Variants in STK31 observed in about 807,000 individuals in gnomAD.
STK31 encodes the protein serine/threonine-protein kinase 31.
A neutral mutation model predicts 129.7 loss-of-function variants in STK31; 89 were observed. The ratio of observed to expected loss-of-function variants is 0.69; its 90% confidence interval spans 0.58 to 0.82. The LOEUF is 0.82. Among genes scored for constraint, STK31 ranks in the 40% least tolerant of loss-of-function variants. The pLI, the probability that STK31 is intolerant of heterozygous loss-of-function variation, is 0.00. For missense variants in STK31, 1,187 were observed against 1,176.4 expected, an observed-to-expected ratio of 1.01 and a Z score of -0.13; for synonymous variants, 448 against 395.3, an observed-to-expected ratio of 1.13 and a Z score of -1.58.
intron 23 of STK31, among the ~76,000 whole-genome samples, chr7:23,825,203 A>G (rs1481479341): frequency 2.6e-5 from 4 of 152,196 alleles, no homozygotes; most frequent in African/African-American, 9.7e-5. Flanking sequence ...CTCTGGTAGA[A>G]TTTAGCTGTG....
At chr7:23,798,989 A>G (rs1382560753) in intron 22 of STK31, among the ~76,000 whole-genome samples, 1 of 152,214 alleles carries the variant, frequency 6.6e-6, no homozygotes, top group Non-Finnish European at 1.5e-5. Flanking sequence ...ACTCCCATTC[A>G]CAATTGCTAC....
intron 22 of STK31, among the ~76,000 whole-genome samples, chr7:23,808,970 T>TGTGTGTGTGTGTGTGTGCAC: frequency 7.2e-6 from 1 of 139,660 alleles, no homozygotes; most frequent in South Asian, 2.5e-4. Flanking sequence ...TGTGTGTGTG[T>TGTGTGTGTGTGTGTGTGCAC]GCCTGTGTCT....
chr7:23,828,227 T>C (rs1314778808), intron 23 of STK31, among the ~76,000 whole-genome samples: 1 of 148,862 alleles, frequency 6.7e-6, no homozygotes, highest in Non-Finnish European at 1.5e-5. Context: ...CTCTTTGAGC[T>C]GTGGTGGGCT....
intron 8 of STK31, among the ~76,000 whole-genome samples, chr7:23,750,820 A>G (rs925213628): frequency 2.6e-5 from 4 of 152,278 alleles, no homozygotes; most frequent in African/African-American, 9.6e-5. Context: ...ATGTGTAATG[A>G]TCAAGTGTAG....
At chr7:23,776,741 C>G (rs1002109119) in intron 15 of STK31, among the ~76,000 whole-genome samples, 1 of 151,958 alleles carries the variant, frequency 6.6e-6, no homozygotes, top group South Asian at 2.1e-4. Flanking sequence ...AGTGGTCTAT[C>G]TATTTTGTTG....
At chr7:23,813,676 A>G (rs1272940009) in intron 22 of STK31, among the ~76,000 whole-genome samples, 2 of 152,034 alleles carry the variant, frequency 1.3e-5, no homozygotes, top group African/African-American at 4.8e-5. Flanking sequence ...ATGGTGTTTG[A>G]GGGAATGAAA....
intron 23 of STK31, among the ~76,000 whole-genome samples, chr7:23,817,709 G>C (rs1793556116): frequency 6.6e-6 from 1 of 152,180 alleles, no homozygotes; most frequent in Non-Finnish European, 1.5e-5. Flanking sequence ...TGCTTAAGTA[G>C]AGTAATGCTG....
chr7:23,780,957 A>G (rs1209637859), intron 15 of STK31, among the ~76,000 whole-genome samples: 9 of 152,192 alleles, frequency 5.9e-5, no homozygotes, highest in African/African-American at 2.2e-4. Flanking sequence ...TCCTTTCACA[A>G]AAGCATACAT....
intron 22 of STK31, among the ~76,000 whole-genome samples, chr7:23,800,338 C>G (rs770217626): frequency 3.9e-5 from 6 of 152,100 alleles, no homozygotes. Context: ...ACCCAAATAC[C>G]CATCAGTGAT....
At chr7:23,791,944 G>A (rs1253154780) in intron 22 of STK31, among the ~76,000 whole-genome samples, 1 of 152,158 alleles carries the variant, frequency 6.6e-6, no homozygotes, top group Non-Finnish European at 1.5e-5. Context: ...CTCTTTTCCA[G>A]TAGTACTTTA....
intron 17 of STK31, 136 bp downstream of exon 17, chr7:23,783,799 A>G (rs982219052): frequency 2.1e-5 from 13 of 627,608 alleles, no homozygotes; most frequent in Admixed American, 6.8e-5. Flanking sequence ...TGGGTATTAG[A>G]ACTTTTTCTT....
chr7:23,818,702 G>C (rs754910628), intron 23 of STK31, among the ~76,000 whole-genome samples: 33 of 152,068 alleles, frequency 2.2e-4, no homozygotes, highest in Non-Finnish European at 4.1e-4. Flanking sequence ...TCAGCTCACT[G>C]CAGCCTCTGC....
intron 22 of STK31, among the ~76,000 whole-genome samples, chr7:23,800,738 A>G (rs1365757605): frequency 6.6e-6 from 1 of 151,662 alleles, no homozygotes; most frequent in African/African-American, 2.4e-5. Context: ...CCCAGAACTT[A>G]AAGTATATAA....
intron 23 of STK31, among the ~76,000 whole-genome samples, chr7:23,816,764 G>T (rs1793493175): frequency 6.6e-6 from 1 of 152,150 alleles, no homozygotes; most frequent in Admixed American, 6.5e-5. Context: ...TCATATAAGT[G>T]ATATCCCATA....
chr7:23,805,369 C>A (rs1792637000), intron 22 of STK31, among the ~76,000 whole-genome samples: 1 of 152,248 alleles, frequency 6.6e-6, no homozygotes. Context: ...AGCCACCACG[C>A]CCAGCCCCAT....
intron 15 of STK31, among the ~76,000 whole-genome samples, chr7:23,778,216 G>A (rs929767934): frequency 1.3e-5 from 2 of 152,156 alleles, no homozygotes; most frequent in African/African-American, 4.8e-5. Context: ...CTGTTAGTTT[G>A]ATGGGCTTCC....
chr7:23,795,261 G>A (rs1410200443), intron 22 of STK31, among the ~76,000 whole-genome samples: 5 of 152,192 alleles, frequency 3.3e-5, no homozygotes, highest in African/African-American at 1.2e-4. Context: ...GCTAAAAGGG[G>A]CCAAGGTACA....
intron 22 of STK31, among the ~76,000 whole-genome samples, chr7:23,814,750 T>C (rs1793364928): frequency 6.6e-6 from 1 of 152,144 alleles, no homozygotes; most frequent in South Asian, 2.1e-4. Context: ...TCTGAAGTTT[T>C]TTTTTAAGTT....
At chr7:23,716,954 C>T (rs1439039116) in intron 3 of STK31, among the ~76,000 whole-genome samples, 1 of 151,488 alleles carries the variant, frequency 6.6e-6, no homozygotes, top group Non-Finnish European at 1.5e-5. Context: ...ACTACCATGC[C>T]CGGCTAATCT....
Sources: allele counts gnomAD v4.1 joint callset (sites outside exome capture counted in the v4.1 genomes callset), GRCh38; gene constraint gnomAD v4.1.1; transcripts MANE v1.5; gene names NCBI Gene and HGNC (gene_info 2026-07-23, HGNC 2026-07-21).